MUC4: variants seen among roughly 807,000 people sequenced by gnomAD.
MUC4 encodes mucin 4, cell surface associated, also known as mucin-4.
Under a neutral mutation model 257.9 loss-of-function variants are expected in MUC4, and 202 were observed. The observed-to-expected ratio is 0.78, with a 90% confidence interval of 0.70 to 0.88. MUC4 has a LOEUF of 0.88. Among genes scored for constraint, MUC4 ranks in the 40% least tolerant of loss-of-function variants. The pLI, the probability that MUC4 is intolerant of heterozygous loss-of-function variation, is 0.00. For missense variants in MUC4, 5,976 were observed against 6,513.7 expected (o/e 0.92, Z 2.84); for synonymous variants, 2,351 against 2,757.1 (o/e 0.85, Z 4.62).
rs1300083109 is a variant in MUC4, at chr3:195,810,204, G to C, written c.82+1532C>G. 6.6e-6 allele frequency: 1 copy of C among 152,340 alleles called. No individual in the cohort carries two copies. The highest frequency in any genetic ancestry group is 2.4e-5 in the African/African-American group (1 of 41,454). 9.4% of individuals were successfully genotyped at this position (152,340 alleles called of 1,614,324 possible). A position where few individuals can be genotyped will look rare whatever the true frequency, so the allele number is the denominator to read the frequency against. On this transcript the variant is annotated intron_variant, in intron 1 of 24. Transcript: ENST00000463781. The surrounding 1 kb of genome is among the most constrained non-coding windows in gnomAD (Gnocchi z 4.2). ...AGTCCTGAAACATCCCGAGGTGGAAGGGTCCGCTTCACCAGCATGGCTTCT... is the reference window on the plus strand; with the variant it reads ...AGTCCTGAAACATCCCGAGGTGGAACGGTCCGCTTCACCAGCATGGCTTCT...
chr3:195,766,118 G>A (rs1015191170), intron 8 of MUC4, among the ~76,000 whole-genome samples: 4 of 152,080 alleles, frequency 2.6e-5, no homozygotes, highest in African/African-American at 4.8e-5. Context: ...GCACCACAAC[G>A]TCTGGCTAAT....
At chr3:195,768,549 C>T (rs1250650175) in intron 7 of MUC4, among the ~76,000 whole-genome samples, 1 of 152,220 alleles carries the variant, frequency 6.6e-6, no homozygotes, top group African/African-American at 2.4e-5. Flanking sequence ...CTCCATGTTG[C>T]CACTTCCCAG....
In MUC4 at chr3:195,789,107, C is replaced by T. The variant is rs559643506; in HGVS notation, c.2473G>A (p.Gly825Arg). ...TTTGATGAAAACCTTGTCGTCTCTC[C>T]TGAGGTGGATATTCCTTCGCTTCCT... ...PSGSEGISTS[G>R]ETTRFSSNPS... The change falls in exon 2 of 25, where the codon GGA (glycine) becomes AGA (arginine). Residue 825 changes from glycine to arginine, a missense_variant. Gly to Arg is a moderately radical substitution (Grantham distance 125). This residue lies in a region of MUC4 where 1,583 missense variants were observed against 1,257.4 expected (regional missense o/e 1.26). Coordinates refer to ENST00000463781, the MANE Select transcript of MUC4 (RefSeq NM_018406.7). 1 of 1,613,520 alleles carries T rather than the reference C, an allele frequency of 6.2e-7. No homozygotes were observed. Among genetic ancestry groups the T allele is most frequent in the Admixed American group, 1.7e-5 (1 of 59,988 alleles).
intron 4 of MUC4, among the ~76,000 whole-genome samples, 174 bp downstream of exon 4, chr3:195,773,998 G>A (rs1339632912): frequency 2.0e-5 from 3 of 152,238 alleles, no homozygotes; most frequent in African/African-American, 2.4e-5. Context: ...GGCAGCCCTC[G>A]CCTGGCACCC....
At chr3:195,774,639 C>T (rs1009397288) in intron 3 of MUC4, among the ~76,000 whole-genome samples, 26 of 152,094 alleles carry the variant, frequency 1.7e-4, no homozygotes, top group African/African-American at 6.0e-4. Context: ...CGGTGGCTCA[C>T]GCCTGTAATC....
rs964214089 is a variant in MUC4, at chr3:195,758,719, T to C, written c.14986+405A>G. On this transcript the variant is annotated intron_variant, in intron 17 of 24. Coordinates refer to ENST00000463781, the MANE Select transcript of MUC4 (RefSeq NM_018406.7). Reference sequence around the variant, plus strand: ...CTGGGATTACAGGCATGCACCACCATGCCTGGCTTTTTTTTTTTTTTTTGT... The same window carrying C: ...CTGGGATTACAGGCATGCACCACCACGCCTGGCTTTTTTTTTTTTTTTTGT... 6.9e-5 allele frequency among the ~76,000 whole-genome samples: 9 copies of C among 131,254 alleles called. No homozygotes were observed. The East Asian group carries it at 2.1e-3, about 31-fold the overall frequency. 86.1% of individuals were successfully genotyped at this position (131,254 alleles called of 152,430 possible).
intron 19 of MUC4, chr3:195,753,676 T>C: frequency 4.6e-6 from 1 of 215,666 alleles, no homozygotes; most frequent in Non-Finnish European, 8.9e-6. Flanking sequence ...GTGATCTCCC[T>C]CATCAGACTC....
chr3:195,764,010 A>G (rs758517897), intron 11 of MUC4, 35 bp downstream of exon 11: 1 of 1,593,092 alleles, frequency 6.3e-7, no homozygotes, highest in South Asian at 1.1e-5. Context: ...CCCCCTCCCC[A>G]GAGGCTCTTC....
At chr3:195,771,901 G>T in intron 4 of MUC4, 85 bp from the exon 5 acceptor site, 1 of 1,458,518 alleles carries the variant, frequency 6.9e-7, no homozygotes, top group South Asian at 1.2e-5. Flanking sequence ...TCAAAAGCGT[G>T]ACCCCCAAGG....
In MUC4 at chr3:195,782,360, G is replaced by A; in HGVS notation, c.9220C>T (p.Pro3074Ser). The A allele has an allele frequency of 1.4e-6, 2 of 1,446,076 alleles. No homozygotes were observed. Among genetic ancestry groups the A allele is most frequent in the Non-Finnish European group, 1.8e-6 (2 of 1,083,126 alleles). The allele number at this position is 1,446,076 out of a possible 1,614,324, so 89.6% of individuals were successfully genotyped here. A position where few individuals can be genotyped will look rare whatever the true frequency, so the allele number is the denominator to read the frequency against. Residue 3074 changes from proline (P) to serine (S), a missense_variant, in exon 2 of 25, where the codon CCT becomes TCT. Pro to Ser is a moderately conservative substitution (Grantham distance 74, BLOSUM62 -1). This residue lies in a region of MUC4 where 52 missense variants were observed against 102.2 expected (regional missense o/e 0.51). Coordinates refer to ENST00000463781, the MANE Select transcript of MUC4 (RefSeq NM_018406.7). ...SASTGHATPL[P>S]VTDTSSASTG... The stretch of plus-strand genomic sequence containing the variant: ...GATGCTGAGGAAGTGTCGGTGACAG[G>A]AAGCGGGGTGGCGTGACCGGTGGAT...
rs368191941 is a variant in MUC4, at chr3:195,757,379, G to T, written c.14987-51C>A. 4.2e-4 allele frequency: 629 copies of T among 1,504,148 alleles called. No individual in the cohort carries two copies. The highest frequency in any genetic ancestry group is 5.4e-4 in the Non-Finnish European group (599 of 1,102,962). The allele number at this position is 1,504,148 out of a possible 1,614,324, so 93.2% of individuals were successfully genotyped here. ...GAGAGCTGGGAGACTCCTCGGCTCT[G>T]TGGTCTGATTGCTGATACGGGGCTT... On this transcript the variant is annotated intron_variant, in intron 17 of 24. Coordinates refer to ENST00000463781, the MANE Select transcript of MUC4 (RefSeq NM_018406.7). This position sits in a 1 kb window ranked among gnomAD's most constrained non-coding sequence, Gnocchi z 4.8.
chr3:195,806,671 C>T (rs868719442), intron 1 of MUC4, among the ~76,000 whole-genome samples: 1 of 152,150 alleles, frequency 6.6e-6, no homozygotes, highest in African/African-American at 2.4e-5. Context: ...TTCTTCCCTC[C>T]GTCGGTGGGC....
At chr3:195,774,421 G>A (rs921441801) in intron 3 of MUC4, 116 bp from the exon 4 acceptor site, 12 of 1,292,360 alleles carry the variant, frequency 9.3e-6, no homozygotes, top group Non-Finnish European at 1.2e-5. Flanking sequence ...TGTTCCCCGA[G>A]GGCCCCAGAG....
At chr3:195,748,082 G>C (rs1243360323) in intron 24 of MUC4, among the ~76,000 whole-genome samples, 1 of 151,708 alleles carries the variant, frequency 6.6e-6, no homozygotes, top group African/African-American at 2.4e-5. Context: ...CGGAGGGCCC[G>C]GAGCCCAGGT....
In MUC4 at chr3:195,789,273, G is replaced by C; in HGVS notation, c.2307C>G (p.Ala769=). Residue 769 remains alanine (A), a synonymous_variant, in exon 2 of 25, where the codon GCC becomes GCG. Coordinates refer to ENST00000463781, the MANE Select transcript of MUC4 (RefSeq NM_018406.7). The part of the protein sequence containing the change: ...SASTSPDTAA[A]MTHTHQAEST... ...TCTCAGCCTGGTGGGTATGGGTCATGGCTGCTGCTGTGTCAGGTGAGGTGC... is the reference window on the plus strand; with the variant it reads ...TCTCAGCCTGGTGGGTATGGGTCATCGCTGCTGCTGTGTCAGGTGAGGTGC... The C allele has an allele frequency of 6.2e-7, 1 of 1,613,912 alleles. No individual in the cohort carries two copies.
chr3:195,748,601 C>T (rs967017597), intron 24 of MUC4, among the ~76,000 whole-genome samples: 11 of 152,280 alleles, frequency 7.2e-5, no homozygotes, highest in African/African-American at 2.4e-4. Flanking sequence ...CTTTGGAAAC[C>T]ATGCCCTGCT....
intron 19 of MUC4, 200 bp downstream of exon 19, chr3:195,754,013 C>G (rs1460242683): frequency 6.0e-6 from 4 of 664,198 alleles, no homozygotes; most frequent in Non-Finnish European, 9.7e-6. Context: ...ATCCACCACC[C>G]CCTTTCCAGG....
intron 21 of MUC4, chr3:195,752,104 G>C: frequency 2.0e-6 from 1 of 489,426 alleles, no homozygotes; most frequent in Non-Finnish European, 3.6e-6. Context: ...ATGTCCTTTA[G>C]TTTCTTTCAG....
chr3:195,808,850 C>T (rs556745655), intron 1 of MUC4, among the ~76,000 whole-genome samples: 8 of 152,268 alleles, frequency 5.3e-5, no homozygotes, highest in Admixed American at 2.0e-4. Flanking sequence ...TTGGTGTCCT[C>T]GGTGGCAAGT....
Sources: allele counts gnomAD v4.1 joint callset (sites outside exome capture counted in the v4.1 genomes callset), GRCh38; gene constraint gnomAD v4.1.1; regional missense constraint gnomAD v4.1.1; non-coding constraint Gnocchi (gnomAD v3.1); transcripts MANE v1.5; gene names NCBI Gene and HGNC (gene_info 2026-07-23, HGNC 2026-07-21).